The following FNIP1 variants were observed in gnomAD, a reference collection of about 807,000 sequenced individuals.
FNIP1 encodes the protein folliculin interacting protein 1.
In FNIP1, 40 loss-of-function variants were observed where a neutral mutation model predicts 124.5. The observed-to-expected ratio is 0.32, with a 90% CI of 0.25 to 0.42. The LOEUF is 0.42. Ranked by LOEUF, FNIP1 falls within the 10% of genes least tolerant of loss-of-function variation. The pLI is 1.00. For synonymous variants in FNIP1, 472 were observed against 470.6 expected (o/e 1.00, Z -0.04); for missense variants, 1,176 against 1,403.7 (o/e 0.84, Z 2.59).
rs145997981 is a variant in FNIP1 at position 131,735,756 on chromosome 5, T to C, written c.220-4718A>G. ...TTAACTGACCTCTCTAAACCTTAATTTGTTATTTGTTTAAGGGGAAGAAAA... is the reference window on the plus strand; with the variant it reads ...TTAACTGACCTCTCTAAACCTTAATCTGTTATTTGTTTAAGGGGAAGAAAA... On this transcript the variant is annotated intron_variant, in intron 2 of 17. Coordinates refer to ENST00000510461, the MANE Select transcript of FNIP1 (RefSeq NM_133372.3). Among the ~76,000 whole-genome samples, 11 of 151,410 alleles carry C rather than the reference T, an allele frequency of 7.3e-5. No individual in the cohort carries two copies. The East Asian group carries it at 2.1e-3, about 29-fold the overall frequency.
chr5:131,750,255 G>A (rs1010045394), intron 1 of FNIP1, among the ~76,000 whole-genome samples: 4 of 152,086 alleles, frequency 2.6e-5, no homozygotes, highest in Admixed American at 6.6e-5. Flanking sequence ...GTAGTGATGG[G>A]ACAACAATAA....
intron 5 of FNIP1, among the ~76,000 whole-genome samples, chr5:131,718,356 T>C (rs1412809809): frequency 6.6e-6 from 1 of 152,176 alleles, no homozygotes; most frequent in Non-Finnish European, 1.5e-5. Context: ...GCCTTTGACC[T>C]TGGGTTACCC....
chr5:131,654,601 G>A lies in FNIP1; in HGVS notation c.3109-2602C>T, dbSNP rs150841995. On this transcript the variant is annotated intron_variant, in intron 15 of 17. Transcript: ENST00000510461. ...ATACATCTAGCTTTAAAAAAAATGT[G>A]TTACTGATGAAGCAGAAACCAAGTG... Among the ~76,000 whole-genome samples, 725 of 152,310 alleles carry A rather than the reference G, an allele frequency of 4.8e-3. 4 individuals are homozygous for A. Among genetic ancestry groups the A allele is most frequent in the African/African-American group, 0.017 (688 of 41,568 alleles).
chr5:131,741,206 C>G (rs1186345911), intron 2 of FNIP1, among the ~76,000 whole-genome samples: 1 of 152,132 alleles, frequency 6.6e-6, no homozygotes, highest in Non-Finnish European at 1.5e-5. Context: ...ATCCAGACCC[C>G]TTTCCGGTAA....
chr5:131,787,515 G>A (rs908148359), intron 1 of FNIP1, among the ~76,000 whole-genome samples: 4 of 152,142 alleles, frequency 2.6e-5, no homozygotes, highest in African/African-American at 9.7e-5. Flanking sequence ...CCAAACTGAG[G>A]ACTTTGAACT....
intron 13 of FNIP1, among the ~76,000 whole-genome samples, chr5:131,677,375 C>T (rs1455551265): frequency 6.6e-6 from 1 of 152,220 alleles, no homozygotes; most frequent in African/African-American, 2.4e-5. Context: ...TTTTAGGTAT[C>T]ACCGGTGACT....
intron 1 of FNIP1, among the ~76,000 whole-genome samples, chr5:131,783,321 A>G (rs1348259192): frequency 6.6e-6 from 1 of 152,180 alleles, no homozygotes; most frequent in East Asian, 1.9e-4. Flanking sequence ...AAGGAATAAG[A>G]ATGAGCTCTT....
At chr5:131,712,500 C>A (rs983839459) in intron 6 of FNIP1, among the ~76,000 whole-genome samples, 1 of 151,992 alleles carries the variant, frequency 6.6e-6, no homozygotes, top group East Asian at 1.9e-4. Flanking sequence ...TACACTTCAA[C>A]GAAAATATCA....
chr5:131,710,732 A>T, intron 6 of FNIP1, 71 bp from the exon 7 acceptor site: 2 of 1,333,894 alleles, frequency 1.5e-6, no homozygotes, highest in East Asian at 2.4e-5. Flanking sequence ...CAGGGAAAAA[A>T]GGTGAGCTAA....
intron 3 of FNIP1, among the ~76,000 whole-genome samples, chr5:131,725,149 T>C (rs1263199909): frequency 1.3e-5 from 2 of 152,210 alleles, no homozygotes; most frequent in South Asian, 2.1e-4. Context: ...CCTCCAGCTT[T>C]GTTCTTTTGG....
intron 1 of FNIP1, among the ~76,000 whole-genome samples, chr5:131,782,953 G>A (rs1300931515): frequency 6.6e-6 from 1 of 152,196 alleles, no homozygotes; most frequent in Non-Finnish European, 1.5e-5. Context: ...GTGAGCCACC[G>A]CGCCTGGTCC....
At chr5:131,733,562 C>T (rs1179790859) in intron 2 of FNIP1, among the ~76,000 whole-genome samples, 1 of 152,112 alleles carries the variant, frequency 6.6e-6, no homozygotes, top group African/African-American at 2.4e-5. Flanking sequence ...TTGTCAAAGG[C>T]CTTTTCTGCA....
chr5:131,670,538 G>C lies in FNIP1; in HGVS notation c.3033C>G (p.Asp1011Glu), dbSNP rs763849032. The C allele has an allele frequency of 6.2e-7, 1 of 1,613,776 alleles. No homozygotes were observed. The highest frequency in any genetic ancestry group is 8.5e-7 in the Non-Finnish European group (1 of 1,179,894). The change falls in exon 15 of 18, where the codon GAC becomes GAG. Residue 1011 changes from aspartate (D) to glutamate (E), a missense_variant. This residue lies in a region of FNIP1 where 1,109 missense variants were observed against 1,288.5 expected (regional missense o/e 0.86). Transcript: ENST00000510461. ...CACTCCCAATTCCTTGAAGAACAAAGTCAGGCACATAAGATGAGCAGTAGC... is the reference window on the plus strand; with the variant it reads ...CACTCCCAATTCCTTGAAGAACAAACTCAGGCACATAAGATGAGCAGTAGC... ...LGGYCSSYVP[D>E]FVLQGIGSDE...
At position 131,698,847 on chromosome 5, in the gene FNIP1, T is replaced by G. The variant is rs1336568194; in HGVS notation, c.1202+70A>C. ...AGAAATCAAATTTTATTAGAACAAG[T>G]TAAAGAAAAAATGAATCTTCCTGTG... On this transcript the variant is annotated intron_variant, in intron 11 of 17. Transcript: ENST00000510461. 4 of 1,333,256 alleles carry G rather than the reference T, an allele frequency of 3.0e-6. No homozygotes were observed. The Admixed American group carries it at 1.0e-4, about 33-fold the overall frequency. 82.6% of individuals were successfully genotyped at this position (1,333,256 alleles called of 1,614,324 possible).
chr5:131,707,132 G>C (rs530330311), intron 8 of FNIP1, among the ~76,000 whole-genome samples: 8 of 152,118 alleles, frequency 5.3e-5, no homozygotes, highest in African/African-American at 1.9e-4. Flanking sequence ...ACTCTTTCAC[G>C]GCTGCAATCC....
In FNIP1 at chr5:131,706,399, G is replaced by T; in HGVS notation, c.914+12C>A. 2 of 1,604,338 alleles carry T rather than the reference G, an allele frequency of 1.2e-6. No individual in the cohort carries two copies. The highest frequency in any genetic ancestry group is 1.3e-5 in the African/African-American group (1 of 74,700). On this transcript the variant is annotated intron_variant, in intron 9 of 17. Transcript: ENST00000510461. ...TACTCAATCTTGTTCTGTGTTTAAA[G>T]TTCCAACTTACCATCTAGGAAATAC...
intron 13 of FNIP1, among the ~76,000 whole-genome samples, chr5:131,675,361 CT>C (rs1306070675): frequency 6.6e-6 from 1 of 152,182 alleles, no homozygotes; most frequent in Non-Finnish European, 1.5e-5. Flanking sequence ...AGACTGTCGA[CT>C]TCTTGAGGGC....
At chr5:131,783,668 T>A (rs1162547906) in intron 1 of FNIP1, among the ~76,000 whole-genome samples, 1 of 152,064 alleles carries the variant, frequency 6.6e-6, no homozygotes, top group African/African-American at 2.4e-5. Context: ...AATTTCAGAA[T>A]GAAGGTAAAG....
intron 1 of FNIP1, among the ~76,000 whole-genome samples, chr5:131,790,291 C>T (rs1279295401): frequency 6.6e-6 from 1 of 151,954 alleles, no homozygotes; most frequent in Non-Finnish European, 1.5e-5. Flanking sequence ...CTGGCCTGGG[C>T]AACGTGGCGA....
Sources: gnomAD v4.1 joint callset for allele counts (sites outside exome capture counted in the v4.1 genomes callset) on GRCh38, gnomAD v4.1.1 for gene constraint, gnomAD v4.1.1 regional missense constraint, MANE v1.5 for transcripts, NCBI Gene and HGNC (gene_info 2026-07-23, HGNC 2026-07-21) for gene names.